Variants in HCRTR2 observed in about 807,000 individuals in gnomAD.
The protein encoded by HCRTR2 is orexin receptor type 2.
In HCRTR2, 22 loss-of-function variants were observed where a neutral mutation model predicts 49.0. The ratio of observed to expected loss-of-function variants is 0.45; its 90% confidence interval spans 0.32 to 0.64. The LOEUF is 0.64. Ranked by LOEUF, HCRTR2 falls within the 30% of genes least tolerant of loss-of-function variation. HCRTR2 has a pLI of 0.04. For missense variants in HCRTR2, 491 were observed against 559.4 expected (o/e 0.88, Z 1.23); for synonymous variants, 236 against 205.3 (o/e 1.15, Z -1.28).
chr6:55,156,851 G>A (rs1373221593), intron 1 of HCRTR2, among the ~76,000 whole-genome samples: 1 of 151,800 alleles, frequency 6.6e-6, no homozygotes, highest in Non-Finnish European at 1.5e-5. Flanking sequence ...CAATATAAAA[G>A]CATTCCACAG....
chr6:55,236,974 G>A (rs1562017362), intron 1 of HCRTR2, among the ~76,000 whole-genome samples: 1 of 152,014 alleles, frequency 6.6e-6, no homozygotes, highest in African/African-American at 2.4e-5. Context: ...TTCACCATGT[G>A]TTATGCACAC....
chr6:55,239,230 C>A (rs944802150), intron 1 of HCRTR2, among the ~76,000 whole-genome samples: 1 of 152,202 alleles, frequency 6.6e-6, no homozygotes, highest in Non-Finnish European at 1.5e-5. Context: ...TCAGGCCAGC[C>A]TTAAAGGCCT....
At chr6:55,161,497 GGAGA>G (rs1208930003) in intron 1 of HCRTR2, among the ~76,000 whole-genome samples, 1 of 151,948 alleles carries the variant, frequency 6.6e-6, no homozygotes, top group East Asian at 1.9e-4. Context: ...GCAGAACTAA[GGAGA>G]GAGAGACACG....
intron 1 of HCRTR2, among the ~76,000 whole-genome samples, chr6:55,212,209 T>C (rs1765709176): frequency 6.6e-6 from 1 of 152,088 alleles, no homozygotes; most frequent in South Asian, 2.1e-4. Context: ...GTTCCCTGAG[T>C]GTGAGGCTTG....
At chr6:55,112,212 C>CA (rs772416946) in intron 1 of HCRTR2, among the ~76,000 whole-genome samples, 32 of 151,942 alleles carry the variant, frequency 2.1e-4, no homozygotes, top group Non-Finnish European at 4.1e-4. Flanking sequence ...AAGTTGAAGG[C>CA]ATTCCCCCTG....
chr6:55,171,827 T>A (rs909798121), upstream of HCRTR2, among the ~76,000 whole-genome samples: 7 of 152,190 alleles, frequency 4.6e-5, no homozygotes, highest in African/African-American at 9.6e-5. Flanking sequence ...TATAGACAAG[T>A]TGAAGTGCCA....
intron 1 of HCRTR2, among the ~76,000 whole-genome samples, chr6:55,166,956 C>T (rs202123612): frequency 6.6e-6 from 1 of 151,718 alleles, no homozygotes; most frequent in African/African-American, 2.4e-5. Context: ...CAAAACCCAA[C>T]ATTTAAAGGA....
At chr6:55,166,644 T>C (rs1764881270) in intron 1 of HCRTR2, among the ~76,000 whole-genome samples, 1 of 152,138 alleles carries the variant, frequency 6.6e-6, no homozygotes, top group Admixed American at 6.6e-5. Flanking sequence ...AAACAATTTG[T>C]CAGTTCCTCA....
chr6:55,181,554 G>A (rs777042700), intron 1 of HCRTR2, among the ~76,000 whole-genome samples: 8 of 152,036 alleles, frequency 5.3e-5, no homozygotes, highest in Non-Finnish European at 8.8e-5. Flanking sequence ...TATTTATATA[G>A]TATTTTACTC....
chr6:55,284,619 T>C (rs756755486), downstream of HCRTR2, among the ~76,000 whole-genome samples: 10 of 152,232 alleles, frequency 6.6e-5, no homozygotes, highest in Middle Eastern at 3.4e-3. Context: ...GTTGGATGTC[T>C]GAAAGAAGAA....
At chr6:55,248,379 G>T (rs562342907) in intron 1 of HCRTR2, among the ~76,000 whole-genome samples, 1 of 152,168 alleles carries the variant, frequency 6.6e-6, no homozygotes, top group Non-Finnish European at 1.5e-5. Context: ...AAAACATCTG[G>T]CATTTGCAAT....
At chr6:55,264,476 TA>T (rs1234122955) in intron 4 of HCRTR2, among the ~76,000 whole-genome samples, 1 of 152,102 alleles carries the variant, frequency 6.6e-6, no homozygotes, top group African/African-American at 2.4e-5. Context: ...ACACAAAAGC[TA>T]AAAATTCTAC....
intron 1 of HCRTR2, among the ~76,000 whole-genome samples, chr6:55,202,616 C>T (rs1765530271): frequency 6.6e-6 from 1 of 152,164 alleles, no homozygotes; most frequent in Non-Finnish European, 1.5e-5. Context: ...TATGTCCTCA[C>T]ATGATAGAAG....
upstream of HCRTR2, among the ~76,000 whole-genome samples, chr6:55,171,944 G>A (rs576580766): frequency 1.3e-5 from 2 of 152,120 alleles, no homozygotes; most frequent in East Asian, 3.8e-4. Context: ...ATATAGATCC[G>A]AACTTAAGTT....
rs201577298 is a variant in HCRTR2 at position 55,263,845 on chromosome 6, C to T, written c.762+23C>T. 87 of 1,305,918 alleles carry T rather than the reference C, an allele frequency of 6.7e-5. No homozygotes were observed. In the East Asian group the frequency reaches 8.3e-4, roughly 13 times the overall value. The allele number at this position is 1,305,918 out of a possible 1,614,324, so 80.9% of individuals were successfully genotyped here. ...CAGGTATATAGTTTCAAATATTTTG[C>T]GTGCATTATTCCTCCACACATAATT... On this transcript the variant is annotated intron_variant, in intron 4 of 6. Transcript: ENST00000370862.
chr6:55,112,268 A>C (rs958147529), intron 1 of HCRTR2, among the ~76,000 whole-genome samples: 1 of 152,016 alleles, frequency 6.6e-6, no homozygotes, highest in African/African-American at 2.4e-5. Flanking sequence ...ACTTCTATTC[A>C]ACGTAGTACC....
At chr6:55,197,369 C>A (rs905486870) in intron 1 of HCRTR2, among the ~76,000 whole-genome samples, 5 of 152,106 alleles carry the variant, frequency 3.3e-5, no homozygotes, top group African/African-American at 1.2e-4. Context: ...TACTTCCCAC[C>A]CTGACTCTGA....
intron 1 of HCRTR2, among the ~76,000 whole-genome samples, chr6:55,155,689 A>G (rs1464482259): frequency 6.6e-6 from 1 of 152,060 alleles, no homozygotes; most frequent in Non-Finnish European, 1.5e-5. Flanking sequence ...ATGTTAATTC[A>G]TTCAAACATT....
chr6:55,177,927 G>A (rs1765068594), intron 1 of HCRTR2, among the ~76,000 whole-genome samples: 1 of 152,146 alleles, frequency 6.6e-6, no homozygotes, highest in Admixed American at 6.5e-5. Flanking sequence ...GAAATTTTAA[G>A]TTCTAAGGAA....
Sources: gnomAD v4.1 joint callset for allele counts (sites outside exome capture counted in the v4.1 genomes callset) on GRCh38, gnomAD v4.1.1 for gene constraint, MANE v1.5 for transcripts, NCBI Gene and HGNC (gene_info 2026-07-23, HGNC 2026-07-21) for gene names.